ADAM22: variants seen among roughly 807,000 people sequenced by gnomAD.
ADAM22 encodes the protein disintegrin and metalloproteinase domain-containing protein 22.
Under a neutral mutation model 144.6 loss-of-function variants are expected in ADAM22, and 65 were observed. That is an observed-to-expected ratio of 0.45 (90% CI 0.37 to 0.55). The LOEUF (loss-of-function observed/expected upper bound fraction) is 0.55, where lower values mean the gene tolerates loss of function less well. ADAM22 is among the 20% of genes least tolerant of loss of function. ADAM22 has a pLI of 0.00. For synonymous variants in ADAM22, 391 were observed against 412.6 expected (o/e 0.95, Z 0.63); for missense variants, 974 against 1,184.9 (o/e 0.82, Z 2.61).
chr7:88,011,603 T>A (rs1795435517), intron 3 of ADAM22, among the ~76,000 whole-genome samples: 1 of 152,018 alleles, frequency 6.6e-6, no homozygotes, highest in South Asian at 2.1e-4. Context: ...TCTTCCTAAG[T>A]CAACTTGTTG....
At chr7:88,014,801 A>G (rs1387431728) in intron 3 of ADAM22, among the ~76,000 whole-genome samples, 1 of 152,206 alleles carries the variant, frequency 6.6e-6, no homozygotes, top group South Asian at 2.1e-4. Flanking sequence ...TTCCATTGAG[A>G]TATGTGGTAT....
intron 14 of ADAM22, among the ~76,000 whole-genome samples, chr7:88,136,839 A>G (rs1277072293): frequency 6.6e-6 from 1 of 152,148 alleles, no homozygotes; most frequent in Admixed American, 6.5e-5. Context: ...TTGGAATGTT[A>G]TTAAAATAAT....
In ADAM22 at chr7:88,039,691, G is replaced by A. The variant is rs142553854; in HGVS notation, c.324-35935G>A. Among the ~76,000 whole-genome samples, 9 of 150,598 alleles carry A rather than the reference G, an allele frequency of 6.0e-5. 1 individual carries two copies. Among genetic ancestry groups the A allele is most frequent in the African/African-American group, 9.7e-5 (4 of 41,046 alleles). On this transcript the variant is annotated intron_variant, in intron 3 of 31. Transcript: ENST00000413139. ...GTGATTACTGTTTGGCATTTATTAC[G>A]TATCTAAAAAGAGAAAGAATGAGCC... is the stretch of plus-strand genomic sequence containing the variant.
chr7:88,159,707 C>T (rs932196261), intron 22 of ADAM22, among the ~76,000 whole-genome samples: 2 of 152,130 alleles, frequency 1.3e-5, no homozygotes, highest in African/African-American at 4.8e-5. Context: ...AATCCAACAT[C>T]CTTTCATGTT....
At chr7:88,133,642 G>GGTT (rs1044114991) in intron 12 of ADAM22, among the ~76,000 whole-genome samples, 3 of 151,984 alleles carry the variant, frequency 2.0e-5, no homozygotes, top group African/African-American at 7.2e-5. Context: ...TGAAGCATCA[G>GGTT]GTTGTCACCT....
At position 88,112,524 on chromosome 7, in the gene ADAM22, A is replaced by G. The variant is rs541553510; in HGVS notation, c.474-2060A>G. ...TTTGCTACCCTCAGATGCCTGAATG[A>G]TAAGACAAGTTTCTTTAACATCATA... On this transcript the variant is annotated intron_variant, in intron 5 of 31. Coordinates refer to ENST00000413139, the MANE Select transcript of ADAM22 (RefSeq NM_001324418.2). 6.6e-5 allele frequency among the ~76,000 whole-genome samples: 10 copies of G among 152,342 alleles called. No homozygotes were observed. In the South Asian group the frequency reaches 1.2e-3, roughly 19 times the overall value.
intron 3 of ADAM22, among the ~76,000 whole-genome samples, chr7:87,990,667 C>T (rs1789587169): frequency 6.6e-6 from 1 of 151,880 alleles, no homozygotes; most frequent in Admixed American, 6.6e-5. Context: ...CTCCCCTTTT[C>T]TTCTTTTTTT....
intron 29 of ADAM22, chr7:88,185,983 A>T (rs542289239): frequency 6.6e-6 from 1 of 152,464 alleles, no homozygotes; most frequent in African/African-American, 2.4e-5. Flanking sequence ...AAGATCATGG[A>T]GGCCTATTTA....
intron 3 of ADAM22, among the ~76,000 whole-genome samples, chr7:87,996,197 G>T (rs1218930540): frequency 6.6e-6 from 1 of 152,200 alleles, no homozygotes; most frequent in Non-Finnish European, 1.5e-5. Context: ...GAAACCTCCG[G>T]CAGTAGATTG....
At chr7:88,176,881 C>T (rs1036888606) in intron 26 of ADAM22, among the ~76,000 whole-genome samples, 2 of 152,208 alleles carry the variant, frequency 1.3e-5, no homozygotes, top group Non-Finnish European at 2.9e-5. Context: ...TCTTGTGCCT[C>T]AGCCACCTGA....
At chr7:88,059,045 T>C (rs896007040) in intron 3 of ADAM22, among the ~76,000 whole-genome samples, 2 of 152,176 alleles carry the variant, frequency 1.3e-5, no homozygotes, top group African/African-American at 2.4e-5. Context: ...GATTTCTATA[T>C]GTTGAATCAG....
At chr7:88,182,112 G>C (rs1156748615) in intron 29 of ADAM22, 88 bp downstream of exon 29, 1 of 1,163,162 alleles carries the variant, frequency 8.6e-7, no homozygotes, top group African/African-American at 1.6e-5. Context: ...TCAAAGAACT[G>C]TAAACCATGT....
At chr7:87,954,744 A>T (rs1001862619) in intron 2 of ADAM22, among the ~76,000 whole-genome samples, 1 of 152,188 alleles carries the variant, frequency 6.6e-6, no homozygotes, top group African/African-American at 2.4e-5. Flanking sequence ...GTGTTTTCCA[A>T]CTTGGTTCCA....
At chr7:88,196,068 G>A (rs1475805069) in intron 31 of ADAM22, among the ~76,000 whole-genome samples, 7 of 152,186 alleles carry the variant, frequency 4.6e-5, no homozygotes, top group Admixed American at 4.6e-4. Context: ...CCAGATTAAT[G>A]TAATGTGCAG....
chr7:87,963,301 A>T (rs1222307675), intron 2 of ADAM22, among the ~76,000 whole-genome samples: 1 of 152,172 alleles, frequency 6.6e-6, no homozygotes, highest in Admixed American at 6.5e-5. Flanking sequence ...CCAGAAACCC[A>T]GTGGGGGAAG....
intron 4 of ADAM22, among the ~76,000 whole-genome samples, chr7:88,088,611 T>C (rs186681207): frequency 1.3e-3 from 196 of 152,280 alleles, no homozygotes; most frequent in South Asian, 7.2e-3. Flanking sequence ...TGGCTAACTT[T>C]ATAATTCCTG....
At chr7:88,038,541 G>C (rs549874536) in intron 3 of ADAM22, among the ~76,000 whole-genome samples, 1 of 147,770 alleles carries the variant, frequency 6.8e-6, no homozygotes, top group African/African-American at 2.5e-5. Context: ...TGCAAGCTCC[G>C]CCTCCCGGGT....
intron 4 of ADAM22, among the ~76,000 whole-genome samples, chr7:88,077,654 G>A (rs1337201292): frequency 2.6e-5 from 4 of 152,182 alleles, no homozygotes; most frequent in Non-Finnish European, 5.9e-5. Flanking sequence ...CTAATACTGC[G>A]CTTTTCCAAC....
intron 7 of ADAM22, among the ~76,000 whole-genome samples, chr7:88,118,647 C>A (rs34707164): frequency 0.55 from 81,158 of 148,036 alleles, 23,220 homozygotes; most frequent in East Asian, 0.9. Flanking sequence ...ATATATCTAT[C>A]TATCTATCTA....
Sources: gnomAD v4.1 joint callset for allele counts (sites outside exome capture counted in the v4.1 genomes callset) on GRCh38, gnomAD v4.1.1 for gene constraint, MANE v1.5 for transcripts, NCBI Gene and HGNC (gene_info 2026-07-23, HGNC 2026-07-21) for gene names.